ALG5: variants seen among roughly 807,000 people sequenced by gnomAD.
ALG5 encodes the protein dolichyl-phosphate beta-glucosyltransferase.
In ALG5, 26 loss-of-function variants were observed where a neutral mutation model predicts 51.8. The ratio of observed to expected loss-of-function variants is 0.50; its 90% CI spans 0.37 to 0.70. ALG5 has a LOEUF of 0.70. ALG5 is among the 30% of genes least tolerant of loss of function. ALG5 has a pLI of 0.00. For missense variants in ALG5, 311 were observed against 399.3 expected (o/e 0.78, Z 1.88); for synonymous variants, 141 against 136.1 (o/e 1.04, Z -0.25).
chr13:36,962,351 T>C (rs993735792), intron 8 of ALG5, among the ~76,000 whole-genome samples: 2 of 152,180 alleles, frequency 1.3e-5, no homozygotes, highest in Non-Finnish European at 2.9e-5. Context: ...ATTATTGTGG[T>C]GAAGGGTATA....
chr13:36,952,709 C>A, intron 8 of ALG5, 110 bp from the exon 9 acceptor site: 2 of 572,670 alleles, frequency 3.5e-6, no homozygotes, highest in Non-Finnish European at 2.9e-6. Flanking sequence ...AAAGCTTATA[C>A]CATAAATCTG....
chr13:36,949,789 A>G lies in ALG5; in HGVS notation c.*153T>C. ...AAATCATTTATATCCAAAGAGATAT[A>G]TAATTTTTTACTTATGGAAAGTTAT... On this transcript the variant is annotated 3_prime_UTR_variant, in exon 10 of 10. Coordinates refer to ENST00000239891, the MANE Select transcript of ALG5 (RefSeq NM_013338.5). The G allele has an allele frequency of 2.1e-6, 1 of 465,736 alleles. No individual in the cohort carries two copies. The highest frequency in any genetic ancestry group is 3.8e-6 in the Non-Finnish European group (1 of 264,140). 28.9% of individuals were successfully genotyped at this position (465,736 alleles called of 1,614,324 possible).
chr13:36,952,454 CT>C, intron 9 of ALG5, 59 bp downstream of exon 9: 2 of 1,255,874 alleles, frequency 1.6e-6, no homozygotes, highest in South Asian at 2.7e-5. Flanking sequence ...AGCCAGCTGA[CT>C]TTACTAAACA....
At chr13:36,979,558 A>G (rs1185165667) in intron 6 of ALG5, among the ~76,000 whole-genome samples, 3 of 152,210 alleles carry the variant, frequency 2.0e-5, no homozygotes, top group African/African-American at 4.8e-5. Flanking sequence ...AAGGATTACT[A>G]TATTAGAGAT....
chr13:36,993,027 C>T (rs1296733211), intron 4 of ALG5, among the ~76,000 whole-genome samples: 1 of 152,202 alleles, frequency 6.6e-6, no homozygotes, highest in East Asian at 1.9e-4. Flanking sequence ...TGCACAGCCT[C>T]AGCTGGGTCT....
chr13:36,978,224 G>A (rs562997133), intron 6 of ALG5, among the ~76,000 whole-genome samples: 41 of 134,732 alleles, frequency 3.0e-4, no homozygotes, highest in African/African-American at 1.0e-3. Flanking sequence ...ATCTCACTCC[G>A]TCACCCAGGC....
chr13:36,977,478 AAGG>A (rs1318007625), intron 6 of ALG5, among the ~76,000 whole-genome samples: 1 of 152,014 alleles, frequency 6.6e-6, no homozygotes, highest in Non-Finnish European at 1.5e-5. Flanking sequence ...TGGGCAACAG[AAGG>A]AGATCCCAAC....
Position 36,991,755 on chromosome 13 carries a change from C to T in ALG5, c.354+1849G>A, listed in dbSNP as rs893215870. ...TTCCTAGTTAAAAAGGAGAGATGCA[C>T]GCAGAGATGATTCTTTTTTTTTGAC... On this transcript the variant is annotated intron_variant, in intron 4 of 9. Coordinates refer to ENST00000239891, the MANE Select transcript of ALG5 (RefSeq NM_013338.5). 2.4e-4 allele frequency among the ~76,000 whole-genome samples: 36 copies of T among 152,248 alleles called. 1 individual carries two copies. The highest frequency in any genetic ancestry group is 1.8e-3 in the Admixed American group (28 of 15,288).
intron 6 of ALG5, among the ~76,000 whole-genome samples, chr13:36,975,713 TG>T (rs1458922071): frequency 3.9e-5 from 6 of 152,226 alleles, no homozygotes; most frequent in African/African-American, 1.4e-4. Context: ...AAAGTCTGAA[TG>T]TTTTTTAATG....
chr13:36,969,635 C>A (rs542000183), intron 7 of ALG5, among the ~76,000 whole-genome samples: 37 of 152,030 alleles, frequency 2.4e-4, no homozygotes, highest in African/African-American at 8.9e-4. Flanking sequence ...CCCGGGTTCA[C>A]GTGATTCTCC....
At chr13:36,962,509 C>T (rs1314841884) in intron 8 of ALG5, among the ~76,000 whole-genome samples, 1 of 152,014 alleles carries the variant, frequency 6.6e-6, no homozygotes, top group Non-Finnish European at 1.5e-5. Context: ...AAACAAAAAA[C>T]AAACCGAGAC....
intron 9 of ALG5, among the ~76,000 whole-genome samples, chr13:36,950,522 CG>C (rs1348562731): frequency 3.3e-5 from 5 of 152,106 alleles, no homozygotes; most frequent in African/African-American, 7.2e-5. Context: ...CTCTTTGTCT[CG>C]GGCTACACAA....
intron 7 of ALG5, among the ~76,000 whole-genome samples, chr13:36,971,226 TATAGTG>T (rs949498257): frequency 2.5e-4 from 38 of 152,276 alleles, no homozygotes; most frequent in African/African-American, 9.1e-4. Flanking sequence ...AATTTTAAGG[TATAGTG>T]ATAGTGTTTT....
chr13:36,963,536 G>A (rs556443059), intron 8 of ALG5, among the ~76,000 whole-genome samples: 1 of 152,218 alleles, frequency 6.6e-6, no homozygotes, highest in South Asian at 2.1e-4. Context: ...CAGACAGAGG[G>A]CTTTACTTCT....
At chr13:36,990,525 G>C (rs950676375) in intron 4 of ALG5, among the ~76,000 whole-genome samples, 2 of 152,184 alleles carry the variant, frequency 1.3e-5, no homozygotes, top group East Asian at 1.9e-4. Context: ...GAAACCCCTG[G>C]CCATCTTCTC....
intron 8 of ALG5, among the ~76,000 whole-genome samples, chr13:36,953,280 C>A (rs1004081474): frequency 6.6e-6 from 1 of 152,220 alleles, no homozygotes; most frequent in African/African-American, 2.4e-5. Context: ...CATTTCCAGT[C>A]TAAATCTCCA....
At chr13:36,965,762 T>C in intron 7 of ALG5, 36 bp from the exon 8 acceptor site, 2 of 1,593,594 alleles carry the variant, frequency 1.3e-6, no homozygotes, top group South Asian at 2.3e-5. Flanking sequence ...GACTTTTCCA[T>C]TCATCTGTAA....
At chr13:36,970,606 A>G (rs2058918132) in intron 7 of ALG5, among the ~76,000 whole-genome samples, 1 of 149,716 alleles carries the variant, frequency 6.7e-6, no homozygotes, top group African/African-American at 2.5e-5. Flanking sequence ...TCTCATAAAA[A>G]CAAAAAAAAC....
chr13:36,955,282 C>G (rs1446473230), intron 8 of ALG5, among the ~76,000 whole-genome samples: 1 of 152,182 alleles, frequency 6.6e-6, no homozygotes, highest in Non-Finnish European at 1.5e-5. Context: ...CAATCAGAGG[C>G]TCTGCGCATG....
Sources: gnomAD v4.1 joint callset for allele counts (sites outside exome capture counted in the v4.1 genomes callset) on GRCh38, gnomAD v4.1.1 for gene constraint, MANE v1.5 for transcripts, NCBI Gene and HGNC (gene_info 2026-07-23, HGNC 2026-07-21) for gene names.